DOCK10: variants seen among roughly 807,000 people sequenced by gnomAD.
The protein encoded by DOCK10 is dedicator of cytokinesis protein 10.
In DOCK10, 145 loss-of-function variants were observed where a neutral mutation model predicts 280.1. The ratio of observed to expected loss-of-function variants is 0.52; its 90% confidence interval spans 0.45 to 0.59. The LOEUF is 0.59. Among genes scored for constraint, DOCK10 ranks in the 20% least tolerant of loss-of-function variants. DOCK10 has a pLI of 0.00. For synonymous variants in DOCK10, 915 were observed against 942.2 expected (o/e 0.97, Z 0.53); for missense variants, 2,368 against 2,651.7 (o/e 0.89, Z 2.35).
intron 1 of DOCK10, among the ~76,000 whole-genome samples, chr2:224,958,754 C>T (rs1452549611): frequency 1.3e-5 from 2 of 152,076 alleles, no homozygotes; most frequent in African/African-American, 4.8e-5. Flanking sequence ...TAAACAGTAT[C>T]CTCTTTATGT....
intron 33 of DOCK10, among the ~76,000 whole-genome samples, chr2:224,807,005 G>A (rs1693434851): frequency 6.6e-6 from 1 of 152,054 alleles, no homozygotes; most frequent in African/African-American, 2.4e-5. Flanking sequence ...TGTGATTTAG[G>A]TATTTTATCC....
intron 1 of DOCK10, among the ~76,000 whole-genome samples, chr2:225,027,010 A>G (rs1178083865): frequency 1.3e-5 from 2 of 152,192 alleles, no homozygotes; most frequent in African/African-American, 2.4e-5. Flanking sequence ...GTCCCCATAC[A>G]CAACTTATAG....
chr2:225,019,606 A>G (rs779294084), intron 1 of DOCK10, among the ~76,000 whole-genome samples: 30 of 151,578 alleles, frequency 2.0e-4, no homozygotes, highest in Non-Finnish European at 3.7e-4. Context: ...AATGCCTACT[A>G]TTTTCTCTAA....
intron 31 of DOCK10, among the ~76,000 whole-genome samples, chr2:224,812,395 A>G (rs970308698): frequency 2.0e-5 from 3 of 152,180 alleles, no homozygotes; most frequent in African/African-American, 7.2e-5. Context: ...GGCTGAGACA[A>G]TGAGGTTTTC....
At chr2:224,989,526 C>T (rs768163424) in intron 1 of DOCK10, among the ~76,000 whole-genome samples, 16 of 151,918 alleles carry the variant, frequency 1.1e-4, no homozygotes, top group Non-Finnish European at 2.1e-4. Flanking sequence ...CAAAAGTGAC[C>T]CAAAGGAGGA....
chr2:224,984,880 C>T lies in DOCK10; in HGVS notation c.124-53212G>A, dbSNP rs568181266. ...TTTTTGAGGTTGAGTTTCGCTCTAT[C>T]GCCCAGGCTGGAGTACAGTGGCAGG... On this transcript the variant is annotated intron_variant, in intron 1 of 55. Transcript: ENST00000258390. 2.8e-5 allele frequency among the ~76,000 whole-genome samples: 4 copies of T among 144,908 alleles called. No homozygotes were observed. In the South Asian group the frequency reaches 8.7e-4, roughly 32 times the overall value.
chr2:224,902,862 C>G (rs546207045), intron 3 of DOCK10, among the ~76,000 whole-genome samples: 1 of 151,928 alleles, frequency 6.6e-6, no homozygotes, highest in South Asian at 2.1e-4. Context: ...GGGAGGCCAA[C>G]GCGGGCAGAT....
At chr2:224,790,567 A>AAATT (rs1332088550) in intron 47 of DOCK10, among the ~76,000 whole-genome samples, 1 of 152,204 alleles carries the variant, frequency 6.6e-6, no homozygotes, top group African/African-American at 2.4e-5. Context: ...AACATGCTAG[A>AAATT]AATTATAAAT....
intron 7 of DOCK10, among the ~76,000 whole-genome samples, chr2:224,880,839 T>C (rs906378706): frequency 2.0e-5 from 3 of 152,214 alleles, no homozygotes; most frequent in African/African-American, 7.2e-5. Flanking sequence ...GTATCTTGTA[T>C]AGAATTTTGC....
chr2:224,951,866 C>T (rs577730995), intron 1 of DOCK10, among the ~76,000 whole-genome samples: 1 of 152,310 alleles, frequency 6.6e-6, no homozygotes, highest in South Asian at 2.1e-4. Context: ...CATTTCTTTG[C>T]TGTCTGTCAG....
At chr2:224,898,251 G>A (rs1423979501) in intron 3 of DOCK10, among the ~76,000 whole-genome samples, 1 of 152,114 alleles carries the variant, frequency 6.6e-6, no homozygotes, top group Admixed American at 6.5e-5. Flanking sequence ...GGATTTTTCT[G>A]GCCTGGAGTT....
intron 15 of DOCK10, 104 bp from the exon 16 acceptor site, chr2:224,855,146 CT>C: frequency 1.4e-6 from 1 of 694,136 alleles, no homozygotes; most frequent in Non-Finnish European, 2.2e-6. Flanking sequence ...ATCTATAATT[CT>C]GAGCTTTGTT....
chr2:224,801,282 C>CAAAAA lies in DOCK10; in HGVS notation c.4393+629_4393+633dup, dbSNP rs3083075. On this transcript the variant is annotated intron_variant, in intron 40 of 55. Transcript: ENST00000258390. ...TCTGCAGGGCTGTTTCAAGACATGG[C>CAAAAA]AAAAAAAAAAAAAAAAAAAAACATA... Among the ~76,000 whole-genome samples the CAAAAA allele has an allele frequency of 4.0e-4, 30 of 74,640 alleles. 1 individual carries two copies. The highest frequency in any genetic ancestry group is 1.3e-3 in the African/African-American group (24 of 18,162). The allele number at this position is 74,640 out of a possible 152,430, so 49.0% of individuals were successfully genotyped here.
At chr2:224,977,677 G>A (rs974135516) in intron 1 of DOCK10, among the ~76,000 whole-genome samples, 4 of 152,084 alleles carry the variant, frequency 2.6e-5, no homozygotes, top group Non-Finnish European at 4.4e-5. Flanking sequence ...TTTTTTCCCC[G>A]TTAAACTTGA....
intron 29 of DOCK10, among the ~76,000 whole-genome samples, chr2:224,818,132 G>A (rs976933016): frequency 2.6e-5 from 4 of 152,152 alleles, no homozygotes; most frequent in African/African-American, 4.8e-5. Flanking sequence ...GCAGCACCTC[G>A]GCCAAATGGT....
intron 1 of DOCK10, chr2:224,983,732 T>A (rs1705871368): frequency 4.2e-6 from 2 of 470,690 alleles, no homozygotes; most frequent in Admixed American, 4.7e-5. Context: ...AAGTAAAACA[T>A]GCTTCTTTTT....
intron 11 of DOCK10, among the ~76,000 whole-genome samples, chr2:224,866,650 C>G (rs555567252): frequency 1.3e-5 from 2 of 152,254 alleles, no homozygotes; most frequent in East Asian, 3.9e-4. Flanking sequence ...ATTCTTTCTA[C>G]ACGTATTAGC....
chr2:224,892,427 G>GAAAAGA (rs58114938), intron 4 of DOCK10, among the ~76,000 whole-genome samples: 4,686 of 90,654 alleles, frequency 0.052, 63 homozygotes, highest in Non-Finnish European at 0.065. Flanking sequence ...AAAAAAGAAA[G>GAAAAGA]AAAGAAAAGA....
At chr2:224,957,747 T>C (rs1704135454) in intron 1 of DOCK10, among the ~76,000 whole-genome samples, 2 of 152,224 alleles carry the variant, frequency 1.3e-5, no homozygotes, top group Admixed American at 1.3e-4. Flanking sequence ...CTTCTCTACA[T>C]GTCTCAAAAC....
Sources: gnomAD v4.1 joint callset for allele counts (sites outside exome capture counted in the v4.1 genomes callset) on GRCh38, gnomAD v4.1.1 for gene constraint, MANE v1.5 for transcripts, NCBI Gene and HGNC (gene_info 2026-07-23, HGNC 2026-07-21) for gene names.